The following TACC2 variants were observed in gnomAD, a reference collection of about 807,000 sequenced individuals.
TACC2 encodes transforming acidic coiled-coil containing protein 2, also known as transforming acidic coiled-coil-containing protein 2.
Under a neutral mutation model 227.3 loss-of-function variants are expected in TACC2, and 137 were observed. That is an observed-to-expected ratio of 0.60 (90% confidence interval 0.52 to 0.69). The LOEUF (loss-of-function observed/expected upper bound fraction) is 0.69. TACC2 is among the 30% of genes least tolerant of loss of function. The pLI is 0.00. For synonymous variants in TACC2, 1,523 were observed against 1,487.5 expected, an observed-to-expected ratio of 1.02 and a Z score of -0.55; for missense variants, 3,470 against 3,694.4, an observed-to-expected ratio of 0.94 and a Z score of 1.57.
chr10:122,001,119 G>A (rs1426326167), intron 1 of TACC2, among the ~76,000 whole-genome samples: 3 of 152,192 alleles, frequency 2.0e-5, no homozygotes, highest in Non-Finnish European at 4.4e-5. Flanking sequence ...CACTGCTCCT[G>A]GCCCTGTTGG....
At chr10:122,040,906 T>C (rs1368735236) in intron 2 of TACC2, among the ~76,000 whole-genome samples, 1 of 152,004 alleles carries the variant, frequency 6.6e-6, no homozygotes, top group Non-Finnish European at 1.5e-5. Context: ...GTAGGTGACA[T>C]CAGAAGGACC....
chr10:122,084,268 G>A lies in TACC2; in HGVS notation c.1768G>A (p.Asp590Asn). 1.2e-6 allele frequency: 2 copies of A among 1,614,040 alleles called. No individual in the cohort carries two copies. Among genetic ancestry groups the A allele is most frequent in the Admixed American group, 1.7e-5 (1 of 60,034 alleles). Residue 590 changes from aspartate (D) to asparagine (N), a missense_variant, in exon 4 of 23, where the codon GAC becomes AAC. By Grantham distance (23) the Asp-to-Asn change is conservative. This residue lies in a region of TACC2 where 1,924 missense variants were observed against 1,978.3 expected (regional missense o/e 0.97). Transcript: ENST00000369005. The part of the protein sequence containing the change: ...EEAPEPPDGG[D>N]PGNLQGEDSQ... ...AGCCCCAGAGCCACCTGATGGTGGAGACCCAGGGAACCTGCAAGGAGAGGA... is the reference window on the plus strand; with the variant it reads ...AGCCCCAGAGCCACCTGATGGTGGAAACCCAGGGAACCTGCAAGGAGAGGA...
At chr10:121,998,034 G>A (rs1011691393) in intron 1 of TACC2, among the ~76,000 whole-genome samples, 1 of 152,070 alleles carries the variant, frequency 6.6e-6, no homozygotes, top group Non-Finnish European at 1.5e-5. Flanking sequence ...CTCCTCGGCT[G>A]GGCACGGTGG....
chr10:122,059,359 C>G (rs1015799636), intron 3 of TACC2, among the ~76,000 whole-genome samples: 11 of 151,908 alleles, frequency 7.2e-5, no homozygotes, highest in Admixed American at 4.6e-4. Context: ...CCCCCTCCCC[C>G]CTTGAAGAGT....
intron 19 of TACC2, chr10:122,247,918 T>G (rs903607729): frequency 2.6e-5 from 4 of 152,224 alleles, no homozygotes; most frequent in Non-Finnish European, 5.9e-5. Flanking sequence ...TCTAGATATT[T>G]GGGGCAGATT....
At chr10:122,121,490 C>T (rs758237823) in intron 5 of TACC2, among the ~76,000 whole-genome samples, 7 of 152,178 alleles carry the variant, frequency 4.6e-5, no homozygotes, top group Non-Finnish European at 7.3e-5. Context: ...CCTCCTATCA[C>T]CTGCCCTATC....
intron 1 of TACC2, among the ~76,000 whole-genome samples, chr10:122,006,451 A>AAAATAAATAAACAAAT (rs1955157264): frequency 6.7e-6 from 1 of 149,242 alleles, no homozygotes; most frequent in Non-Finnish European, 1.5e-5. Context: ...TCAGTCTCAA[A>AAAATAAATAAACAAAT]AAATAAATAA....
Position 122,050,392 on chromosome 10 carries a change from G to A in TACC2, c.34-46G>A. The A allele has an allele frequency of 6.8e-7, 1 of 1,472,798 alleles. No individual in the cohort carries two copies. Among genetic ancestry groups the A allele is most frequent in the Non-Finnish European group, 9.5e-7 (1 of 1,057,634 alleles). 91.2% of individuals were successfully genotyped at this position (1,472,798 alleles called of 1,614,324 possible). On this transcript the variant is annotated intron_variant, in intron 2 of 22. Coordinates refer to ENST00000369005, the MANE Select transcript of TACC2 (RefSeq NM_206862.4). The surrounding 1 kb of genome is among the most constrained non-coding windows in gnomAD (Gnocchi z 4.6). ...TGATAAATGTTTTTGTGTTTTCAGA[G>A]ACTCCTATCTGATTTCCTTTCCAAT...
At chr10:122,208,070 T>G (rs534780823) in intron 8 of TACC2, among the ~76,000 whole-genome samples, 1 of 151,930 alleles carries the variant, frequency 6.6e-6, no homozygotes, top group South Asian at 2.1e-4. Context: ...AAACAGGGAG[T>G]TGATTTTAGA....
rs1413725829 is a variant in TACC2 at position 122,117,229 on chromosome 10, T to G, written c.5574-15380T>G. Among the ~76,000 whole-genome samples the G allele has an allele frequency of 7.6e-5, 11 of 145,164 alleles. No homozygotes were observed. The Admixed American group carries it at 7.9e-4, about 10-fold the overall frequency. ...TTTTTTCTTTGAGACAGAGTCTCGC[T>G]CTGTCACCAGGCTGGAGTGCAGTGG... On this transcript the variant is annotated intron_variant, in intron 5 of 22. Coordinates refer to ENST00000369005, the MANE Select transcript of TACC2 (RefSeq NM_206862.4).
chr10:122,096,770 C>G (rs371912575), intron 5 of TACC2, among the ~76,000 whole-genome samples: 1 of 152,004 alleles, frequency 6.6e-6, no homozygotes, highest in African/African-American at 2.4e-5. Context: ...GGTTTTTCCA[C>G]TGATGTCTCT....
chr10:122,118,405 C>G (rs1486253467), intron 5 of TACC2, among the ~76,000 whole-genome samples: 1 of 152,222 alleles, frequency 6.6e-6, no homozygotes, highest in Non-Finnish European at 1.5e-5. Flanking sequence ...CCCAGGTTGT[C>G]TTGTGGTCAG....
chr10:122,071,886 CAAAA>C (rs946551835), intron 3 of TACC2, among the ~76,000 whole-genome samples: 1 of 66,844 alleles, frequency 1.5e-5, no homozygotes. Context: ...GACTCTGTCT[CAAAA>C]AAAAAAAAAA....
intron 2 of TACC2, among the ~76,000 whole-genome samples, chr10:122,037,370 G>A (rs557047187): frequency 6.6e-6 from 1 of 152,252 alleles, no homozygotes; most frequent in South Asian, 2.1e-4. Flanking sequence ...CATTTCACTG[G>A]GATTTGAGCC....
intron 2 of TACC2, among the ~76,000 whole-genome samples, chr10:122,033,766 A>T (rs4752637): frequency 0.093 from 14,088 of 152,070 alleles, 1,100 homozygotes; most frequent in African/African-American, 0.21. Context: ...GGTCAGGGTG[A>T]GGCTCTAAAA....
At chr10:121,997,752 G>A (rs1339128580) in intron 1 of TACC2, among the ~76,000 whole-genome samples, 1 of 152,142 alleles carries the variant, frequency 6.6e-6, no homozygotes, top group African/African-American at 2.4e-5. Flanking sequence ...CTGGGGTAGG[G>A]GACAGCTCTG....
intron 3 of TACC2, among the ~76,000 whole-genome samples, chr10:122,063,150 C>T (rs1172900476): frequency 6.6e-6 from 1 of 152,212 alleles, no homozygotes; most frequent in African/African-American, 2.4e-5. Context: ...TTCCTATAAA[C>T]AGGGTCAGTT....
At chr10:121,994,431 G>T (rs1293729788) in intron 1 of TACC2, among the ~76,000 whole-genome samples, 2 of 152,220 alleles carry the variant, frequency 1.3e-5, no homozygotes, top group Non-Finnish European at 2.9e-5. Context: ...AGAGCTGGAG[G>T]CTGGCGGCAC....
chr10:122,041,508 G>A lies in TACC2; in HGVS notation c.34-8930G>A, dbSNP rs142163212. 1.8e-3 allele frequency among the ~76,000 whole-genome samples: 275 copies of A among 149,866 alleles called. 1 individual carries two copies. The highest frequency in any genetic ancestry group is 6.2e-3 in the African/African-American group (253 of 40,664). ...GTCACCCAGGCTGGAATGCAATGGC[G>A]CGATCTCGGCTCACTACAATCTCCG... On this transcript the variant is annotated intron_variant, in intron 2 of 22. Transcript: ENST00000369005.
Sources: gnomAD v4.1 joint callset for allele counts (sites outside exome capture counted in the v4.1 genomes callset) on GRCh38, gnomAD v4.1.1 for gene constraint, gnomAD v4.1.1 regional missense constraint, Gnocchi (gnomAD v3.1) non-coding constraint, MANE v1.5 for transcripts, NCBI Gene and HGNC (gene_info 2026-07-23, HGNC 2026-07-21) for gene names.